The following NALF1 variants were observed in gnomAD, a reference collection of about 807,000 sequenced individuals.
NALF1 encodes NALCN channel auxiliary factor 1.
NALF1 carries 3 observed loss-of-function variants against 48.4 expected under a neutral mutation model. That is an observed-to-expected ratio of 0.06 (90% CI 0.03 to 0.16). The LOEUF is 0.16. NALF1 is among the 10% of genes least tolerant of loss of function. The probability of loss-of-function intolerance (pLI) is 1.00; values close to 1 mark genes in which losing one functional copy is unlikely to be tolerated. For missense variants in NALF1, 526 were observed against 571.5 expected, an observed-to-expected ratio of 0.92 and a Z score of 0.81; for synonymous variants, 262 against 245.7, an observed-to-expected ratio of 1.07 and a Z score of -0.62.
chr13:107,207,249 T>C (rs1204231825), intron 2 of NALF1, among the ~76,000 whole-genome samples: 4 of 152,208 alleles, frequency 2.6e-5, no homozygotes, highest in African/African-American at 9.7e-5. Flanking sequence ...AAATATTTTG[T>C]ATGAGATTAA....
rs35315719 is a variant in NALF1 at position 107,778,883 on chromosome 13, C to T, written c.915+86799G>A. ...ATCAGTTCTCACTATCCAACTATCA[C>T]CTCCAAAACCTATATGTATTAACCA... On this transcript the variant is annotated intron_variant, in intron 1 of 2. Coordinates refer to ENST00000375915, the MANE Select transcript of NALF1 (RefSeq NM_001080396.3). Among the ~76,000 whole-genome samples the T allele has an allele frequency of 8.3e-3, 1,264 of 152,278 alleles. 9 individuals carry two copies. The highest frequency in any genetic ancestry group is 0.012 in the Admixed American group (188 of 15,300).
intron 1 of NALF1, among the ~76,000 whole-genome samples, chr13:107,522,633 T>G (rs1876281416): frequency 6.6e-6 from 1 of 151,938 alleles, no homozygotes. Context: ...TGAGACAGTC[T>G]TGTTCTGTAG....
chr13:107,261,685 AAC>A (rs1880930629), intron 1 of NALF1, among the ~76,000 whole-genome samples: 1 of 152,206 alleles, frequency 6.6e-6, no homozygotes, highest in African/African-American at 2.4e-5. Flanking sequence ...GAATGAAACC[AAC>A]ACATATTGAA....
intron 1 of NALF1, among the ~76,000 whole-genome samples, chr13:107,458,126 C>T (rs1884854667): frequency 6.6e-6 from 1 of 152,164 alleles, no homozygotes; most frequent in Non-Finnish European, 1.5e-5. Context: ...ACATCTCCTT[C>T]ATGCTAATTT....
At chr13:107,253,253 A>G (rs2138846538) in intron 1 of NALF1, among the ~76,000 whole-genome samples, 1 of 150,640 alleles carries the variant, frequency 6.6e-6, no homozygotes. Context: ...ATTTCCATTC[A>G]TCAAGTGATA....
chr13:107,799,162 C>T (rs1020297574), intron 1 of NALF1, among the ~76,000 whole-genome samples: 1 of 152,104 alleles, frequency 6.6e-6, no homozygotes, highest in Non-Finnish European at 1.5e-5. Context: ...TCAAGGGAAG[C>T]CTCGAAAAAA....
Position 107,473,451 on chromosome 13 carries a change from G to A in NALF1, c.916-262696C>T, listed in dbSNP as rs138860282. 5.3e-3 allele frequency among the ~76,000 whole-genome samples: 811 copies of A among 152,172 alleles called. 8 individuals are homozygous for A. The highest frequency in any genetic ancestry group is 0.018 in the African/African-American group (748 of 41,516). On this transcript the variant is annotated intron_variant, in intron 1 of 2. Transcript: ENST00000375915. ...TTCTCCACCAAAATTAAAATAAAAC[G>A]CAAGGTCAGCATTTTAATTACTCTC...
Position 107,867,119 on chromosome 13 carries a change from C to T in NALF1, c.-523G>A, listed in dbSNP as rs959374922. Among the ~76,000 whole-genome samples the T allele has an allele frequency of 3.1e-4, 46 of 150,368 alleles. No homozygotes were observed. Among genetic ancestry groups the T allele is most frequent in the Non-Finnish European group, 5.9e-5 (4 of 67,396 alleles). ...CTGCCCACTGACGGCGCCCGGAGCG[C>T]CTCCCCTCCTCCTCCTCCTCCTCCT... On this transcript the variant is annotated 5_prime_UTR_variant, in exon 1 of 3. Coordinates refer to ENST00000375915, the MANE Select transcript of NALF1 (RefSeq NM_001080396.3). This position sits in a 1 kb window ranked among gnomAD's most constrained non-coding sequence, Gnocchi z 4.4.
At chr13:107,187,330 G>C (rs1879196032) in intron 2 of NALF1, among the ~76,000 whole-genome samples, 1 of 152,144 alleles carries the variant, frequency 6.6e-6, no homozygotes, top group Admixed American at 6.5e-5. Context: ...TTCTACCTTT[G>C]TGTTCTTTTC....
At chr13:107,439,815 A>G (rs1421373206) in intron 1 of NALF1, among the ~76,000 whole-genome samples, 1 of 152,186 alleles carries the variant, frequency 6.6e-6, no homozygotes, top group East Asian at 1.9e-4. Flanking sequence ...TTTTGTTGCC[A>G]AAGTCAATAA....
intron 1 of NALF1, among the ~76,000 whole-genome samples, chr13:107,699,300 T>C (rs988995489): frequency 7.8e-4 from 119 of 152,204 alleles, no homozygotes; most frequent in African/African-American, 2.8e-3. Context: ...CTTGGAAAGA[T>C]ACATTACTGA....
intron 1 of NALF1, among the ~76,000 whole-genome samples, chr13:107,511,883 T>G (rs945252403): frequency 6.6e-6 from 1 of 152,160 alleles, no homozygotes; most frequent in Non-Finnish European, 1.5e-5. Context: ...GGCTTCATTG[T>G]TGAAAAGCAT....
intron 1 of NALF1, among the ~76,000 whole-genome samples, chr13:107,725,949 GAAGA>G (rs1313753804): frequency 6.6e-6 from 1 of 152,072 alleles, no homozygotes; most frequent in African/African-American, 2.4e-5. Context: ...CTTTGGTGTT[GAAGA>G]AAGAGCAGTG....
chr13:107,824,083 G>A (rs545148303), intron 1 of NALF1, among the ~76,000 whole-genome samples: 1 of 151,996 alleles, frequency 6.6e-6, no homozygotes, highest in East Asian at 1.9e-4. Flanking sequence ...TATATGGATG[G>A]CTTTCAATAA....
intron 1 of NALF1, among the ~76,000 whole-genome samples, chr13:107,642,692 T>C (rs947906258): frequency 6.6e-6 from 1 of 152,100 alleles, no homozygotes; most frequent in Admixed American, 6.6e-5. Context: ...GGTAAAAAGA[T>C]CACAAAGACC....
intron 2 of NALF1, among the ~76,000 whole-genome samples, chr13:107,208,836 C>T (rs1056629016): frequency 6.6e-6 from 1 of 151,984 alleles, no homozygotes; most frequent in Non-Finnish European, 1.5e-5. Flanking sequence ...TATTGATATC[C>T]TCCTTCCCTC....
chr13:107,371,945 T>C (rs1173898617), intron 1 of NALF1, among the ~76,000 whole-genome samples: 1 of 152,212 alleles, frequency 6.6e-6, no homozygotes, highest in Non-Finnish European at 1.5e-5. Context: ...GAATCGTATA[T>C]ACATTGACAA....
intron 1 of NALF1, among the ~76,000 whole-genome samples, chr13:107,639,713 G>A (rs182094657): frequency 1.3e-5 from 2 of 151,650 alleles, no homozygotes; most frequent in African/African-American, 4.8e-5. Context: ...CACTGACAAA[G>A]AGCAAGTCTC....
chr13:107,472,243 T>C (rs2003847), intron 1 of NALF1, among the ~76,000 whole-genome samples: 100,964 of 151,952 alleles, frequency 0.66, 35,014 homozygotes, highest in Middle Eastern at 0.81. Flanking sequence ...GCAGGAGAAT[T>C]GCTTGAACCT....
Sources: gnomAD v4.1 joint callset for allele counts (sites outside exome capture counted in the v4.1 genomes callset) on GRCh38, gnomAD v4.1.1 for gene constraint, Gnocchi (gnomAD v3.1) non-coding constraint, MANE v1.5 for transcripts, NCBI Gene and HGNC (gene_info 2026-07-23, HGNC 2026-07-21) for gene names.